STK3: variants seen among roughly 807,000 people sequenced by gnomAD.
STK3 encodes the protein serine/threonine-protein kinase 3.
Under a neutral mutation model 58.0 loss-of-function variants are expected in STK3, and 41 were observed. That is an observed-to-expected ratio of 0.71 (90% CI 0.55 to 0.92). STK3 has a LOEUF of 0.92. STK3 is among the 40% of genes least tolerant of loss of function. The pLI is 0.00. For missense variants in STK3, 479 were observed against 602.7 expected, an observed-to-expected ratio of 0.79 and a Z score of 2.15; for synonymous variants, 170 against 191.0, an observed-to-expected ratio of 0.89 and a Z score of 0.91.
upstream of STK3, among the ~76,000 whole-genome samples, chr8:98,393,002 G>A (rs955347423): frequency 6.6e-6 from 1 of 152,154 alleles, no homozygotes; most frequent in Non-Finnish European, 1.5e-5. Flanking sequence ...GTGACACTCA[G>A]GAGACAAAGA....
intron 1 of STK3, among the ~76,000 whole-genome samples, chr8:98,896,855 T>TA (rs1217301408): frequency 6.6e-6 from 1 of 152,150 alleles, no homozygotes; most frequent in Non-Finnish European, 1.5e-5. Context: ...CGCTCATGCC[T>TA]GTAATCCTAG....
intron 10 of STK3, among the ~76,000 whole-genome samples, chr8:98,492,038 A>C (rs1287438445): frequency 2.0e-5 from 3 of 152,250 alleles, no homozygotes; most frequent in Admixed American, 2.0e-4. Flanking sequence ...TTACTGGCTA[A>C]GACAGAAACA....
intron 1 of STK3, among the ~76,000 whole-genome samples, chr8:98,821,500 TAA>T (rs538932582): frequency 1.4e-5 from 2 of 139,086 alleles, no homozygotes; most frequent in Non-Finnish European, 1.6e-5. Context: ...CTCTACAAAT[TAA>T]AAAAAAAAAA....
chr8:98,689,527 T>C (rs1478540208), intron 6 of STK3, among the ~76,000 whole-genome samples: 1 of 152,096 alleles, frequency 6.6e-6, no homozygotes, highest in East Asian at 1.9e-4. Context: ...ACATCTATAA[T>C]CCCAGCACTT....
At chr8:98,460,341 C>G (rs1408171408) in intron 10 of STK3, among the ~76,000 whole-genome samples, 1 of 152,188 alleles carries the variant, frequency 6.6e-6, no homozygotes, top group Non-Finnish European at 1.5e-5. Context: ...TTATCCAATG[C>G]CTGTACCCCC....
chr8:98,499,306 T>C (rs1449406366), intron 10 of STK3, among the ~76,000 whole-genome samples: 2 of 152,190 alleles, frequency 1.3e-5, no homozygotes, highest in African/African-American at 2.4e-5. Flanking sequence ...CACATAACTA[T>C]AAAAGAATAA....
chr8:98,903,104 G>A (rs989934398), intron 1 of STK3, among the ~76,000 whole-genome samples: 1 of 152,134 alleles, frequency 6.6e-6, no homozygotes, highest in Non-Finnish European at 1.5e-5. Context: ...TAGCCATGCG[G>A]GTCTCCTTTC....
chr8:98,651,219 C>A (rs1265995408), intron 6 of STK3, among the ~76,000 whole-genome samples: 2 of 152,206 alleles, frequency 1.3e-5, no homozygotes, highest in East Asian at 3.9e-4. Context: ...GCTGCTGGTA[C>A]CCAGGCAAAC....
intron 10 of STK3, among the ~76,000 whole-genome samples, chr8:98,509,671 T>A (rs1824354124): frequency 6.6e-6 from 1 of 151,784 alleles, no homozygotes; most frequent in Non-Finnish European, 1.5e-5. Flanking sequence ...AAACTAATCA[T>A]AAATTAAAGT....
intron 7 of STK3, among the ~76,000 whole-genome samples, chr8:98,590,212 G>C (rs1815166997): frequency 6.6e-6 from 1 of 151,270 alleles, no homozygotes; most frequent in Admixed American, 6.6e-5. Flanking sequence ...TGCTATTTCT[G>C]TTGTTATGAG....
intron 6 of STK3, among the ~76,000 whole-genome samples, chr8:98,599,646 A>G (rs1816161657): frequency 6.6e-6 from 1 of 152,210 alleles, no homozygotes; most frequent in Non-Finnish European, 1.5e-5. Context: ...AGAGGGAAGG[A>G]CAGGAAAAGG....
chr8:98,661,342 T>C (rs1433435828), intron 6 of STK3, among the ~76,000 whole-genome samples: 1 of 152,126 alleles, frequency 6.6e-6, no homozygotes, highest in East Asian at 1.9e-4. Flanking sequence ...CTTGATTATT[T>C]AGCTCAATGA....
rs145076286 is a variant in STK3 at position 98,676,937 on chromosome 8, A to T, written c.684+29530T>A. ...TGAACCACCACTACAGCTAACCAGC[A>T]CCCCTAAACCAATTATTGCCTAGCA... is the stretch of plus-strand genomic sequence containing the variant. On this transcript the variant is annotated intron_variant, in intron 6 of 10. Coordinates refer to ENST00000419617, the MANE Select transcript of STK3 (RefSeq NM_006281.4). 1.9e-3 allele frequency among the ~76,000 whole-genome samples: 287 copies of T among 152,296 alleles called. 1 individual carries two copies. The highest frequency in any genetic ancestry group is 6.7e-3 in the African/African-American group (280 of 41,572).
chr8:98,581,083 C>T (rs1320000367), intron 7 of STK3, among the ~76,000 whole-genome samples: 1 of 152,156 alleles, frequency 6.6e-6, no homozygotes, highest in East Asian at 1.9e-4. Context: ...GACAATTGCC[C>T]AACTGGATCC....
chr8:98,651,099 G>A (rs986844550), intron 6 of STK3, among the ~76,000 whole-genome samples: 3 of 152,222 alleles, frequency 2.0e-5, no homozygotes, highest in African/African-American at 7.2e-5. Context: ...CCCCAAGTAG[G>A]GGCAGACTGA....
upstream of STK3, among the ~76,000 whole-genome samples, chr8:98,389,907 T>C (rs1817831431): frequency 6.6e-6 from 1 of 151,794 alleles, no homozygotes; most frequent in Non-Finnish European, 1.5e-5. Flanking sequence ...GAAGTGTCCA[T>C]GAGATGGGAT....
At chr8:98,832,683 G>C (rs1170301786) in intron 3 of STK3, among the ~76,000 whole-genome samples, 1 of 151,948 alleles carries the variant, frequency 6.6e-6, no homozygotes, top group Non-Finnish European at 1.5e-5. Context: ...GTTTCTCTGG[G>C]GTCCCCTTGG....
chr8:98,630,918 C>CTT (rs71273137), intron 6 of STK3, among the ~76,000 whole-genome samples: 72 of 151,254 alleles, frequency 4.8e-4, no homozygotes, highest in African/African-American at 1.6e-3. Context: ...GTAAACATTT[C>CTT]TTTTTTTTTA....
At chr8:98,429,268 G>C in intron 3 of STK3, 1 of 1,614,122 alleles carries the variant, frequency 6.2e-7, no homozygotes, top group Non-Finnish European at 8.5e-7. Flanking sequence ...ATGCGCAGCT[G>C]TGACTTTGGA....
Sources: gnomAD v4.1 joint callset for allele counts (sites outside exome capture counted in the v4.1 genomes callset) on GRCh38, gnomAD v4.1.1 for gene constraint, MANE v1.5 for transcripts, NCBI Gene and HGNC (gene_info 2026-07-23, HGNC 2026-07-21) for gene names.